Variants in SLC38A11 observed in about 807,000 individuals in gnomAD.
SLC38A11 encodes the protein putative sodium-coupled neutral amino acid transporter 11.
SLC38A11 carries 51 observed loss-of-function variants against 49.4 expected under a neutral mutation model. The observed-to-expected ratio is 1.03, with a 90% CI of 0.83 to 1.30. The LOEUF is 1.30. Ranked by LOEUF, SLC38A11 falls within the 50% of genes most tolerant of loss-of-function variation. The pLI, the probability that SLC38A11 is intolerant of heterozygous loss-of-function variation, is 0.00. For missense variants in SLC38A11, 574 were observed against 556.2 expected (o/e 1.03, Z -0.32); for synonymous variants, 203 against 192.9 (o/e 1.05, Z -0.43).
intron 9 of SLC38A11, among the ~76,000 whole-genome samples, chr2:164,914,563 T>A (rs989407836): frequency 6.6e-6 from 1 of 151,778 alleles, no homozygotes; most frequent in Non-Finnish European, 1.5e-5. Context: ...GGAAATTTTT[T>A]TGAGAGAAGA....
At chr2:164,927,353 A>G (rs1686673822) in intron 7 of SLC38A11, among the ~76,000 whole-genome samples, 1 of 152,210 alleles carries the variant, frequency 6.6e-6, no homozygotes, top group African/African-American at 2.4e-5. Context: ...ACTGTAGCAT[A>G]GAAAGACTGA....
At chr2:164,946,613 G>T (rs1311184653) in intron 3 of SLC38A11, among the ~76,000 whole-genome samples, 1 of 150,374 alleles carries the variant, frequency 6.7e-6, no homozygotes, top group African/African-American at 2.4e-5. Context: ...TTCAATTGAA[G>T]TTAGAGATAG....
At chr2:164,935,117 G>A (rs1311574803) in intron 7 of SLC38A11, among the ~76,000 whole-genome samples, 3 of 151,740 alleles carry the variant, frequency 2.0e-5, no homozygotes, top group East Asian at 3.9e-4. Context: ...GCACTGTCTC[G>A]GCTTCCCTTT....
chr2:164,898,477 G>A lies in SLC38A11; in HGVS notation c.1349C>T (p.Thr450Ile). The change falls in exon 12 of 12, where the codon ACA becomes ATA. Residue 450 changes from threonine to isoleucine, a missense_variant. Transcript: ENST00000685975. ...AATATTTAAAGTAGAAAGTTGTGTTGTCTGCTGAACATGAGACTCTGAGGT... is the reference window on the plus strand; with the variant it reads ...AATATTTAAAGTAGAAAGTTGTGTTATCTGCTGAACATGAGACTCTGAGGT... ...TNTSESHVQQ[T>I]TQLSTLNISI... The A allele has an allele frequency of 6.2e-7, 1 of 1,613,070 alleles. No individual in the cohort carries two copies.
At chr2:164,906,221 T>C (rs1005514200) in intron 11 of SLC38A11, among the ~76,000 whole-genome samples, 4 of 152,178 alleles carry the variant, frequency 2.6e-5, no homozygotes, top group African/African-American at 9.7e-5. Context: ...TCAAACAAGA[T>C]ATTTCATAAA....
intron 11 of SLC38A11, among the ~76,000 whole-genome samples, chr2:164,901,053 G>A (rs1447677600): frequency 6.6e-6 from 1 of 151,978 alleles, no homozygotes; most frequent in East Asian, 1.9e-4. Flanking sequence ...CATTATTGAA[G>A]ACTATCCTTT....
chr2:164,895,041 C>T lies in SLC38A11; in HGVS notation c.*3396G>A, dbSNP rs1282701583. ...TTTTCAGAAATAGAAATTCTGAGGC[C>T]CCACTCCAAGTACTGAATCAGAAAC... On this transcript the variant is annotated 3_prime_UTR_variant, in exon 12 of 12. Transcript: ENST00000685975. 6.6e-6 allele frequency among the ~76,000 whole-genome samples: 1 copy of T among 152,124 alleles called. No homozygotes were observed. Among genetic ancestry groups the T allele is most frequent in the East Asian group, 1.9e-4 (1 of 5,198 alleles).
chr2:164,915,214 C>T lies in SLC38A11; in HGVS notation c.748G>A (p.Ala250Thr), dbSNP rs4564790. 6.2e-7 allele frequency: 1 copy of T among 1,612,190 alleles called. No individual in the cohort carries two copies. Among genetic ancestry groups the T allele is most frequent in the African/African-American group, 1.3e-5 (1 of 74,866 alleles). The change falls in exon 9 of 12, where the codon GCT (alanine) becomes ACT (threonine). Residue 250 changes from alanine (A) to threonine (T), a missense_variant. Coordinates refer to ENST00000685975, the MANE Select transcript of SLC38A11 (RefSeq NM_001351537.2). Reference sequence around the variant, plus strand: ...ATATGGATAAGGCGGGACCACTTAGCTACTGTGGGTTCTTCTAGAGAACTG... The same window carrying T: ...ATATGGATAAGGCGGGACCACTTAGTTACTGTGGGTTCTTCTAGAGAACTG... ...VYSSLEEPTVAKWSRLIHMSI... is the reference protein window; with the variant it reads ...VYSSLEEPTVTKWSRLIHMSI...
Position 164,955,277 on chromosome 2 carries a change from G to A in SLC38A11, c.-30C>T. The A allele has an allele frequency of 6.5e-7, 1 of 1,548,948 alleles. No homozygotes were observed. The highest frequency in any genetic ancestry group is 1.2e-5 in the South Asian group (1 of 84,022). On this transcript the variant is annotated 5_prime_UTR_variant, in exon 1 of 12. Coordinates refer to ENST00000685975, the MANE Select transcript of SLC38A11 (RefSeq NM_001351537.2). ...GAGCGGTGGTCCTCAGCAGGTGGAA[G>A]ATGCTGGGGCTGGGTACGGATTCGC... is the stretch of plus-strand genomic sequence containing the variant.
chr2:164,912,430 T>C (rs1348590500), intron 9 of SLC38A11: 1 of 152,130 alleles, frequency 6.6e-6, no homozygotes, highest in African/African-American at 2.4e-5. Context: ...CTGGTCTTTG[T>C]TTCTGGTGAG....
rs973763601 is a variant in SLC38A11, at chr2:164,896,403, G to A, written c.*2034C>T. On this transcript the variant is annotated 3_prime_UTR_variant, in exon 12 of 12. Coordinates refer to ENST00000685975, the MANE Select transcript of SLC38A11 (RefSeq NM_001351537.2). Reference sequence around the variant, plus strand: ...AAAGTACAAGATAAGAGATGGTTACGTGCTAAATTATGTTATCCTTGACAT... The same window carrying A: ...AAAGTACAAGATAAGAGATGGTTACATGCTAAATTATGTTATCCTTGACAT... 2.6e-5 allele frequency: 4 copies of A among 152,068 alleles called. No homozygotes were observed. The highest frequency in any genetic ancestry group is 7.2e-5 in the African/African-American group (3 of 41,408). The allele number at this position is 152,068 out of a possible 1,614,324, so 9.4% of individuals were successfully genotyped here. A position where few individuals can be genotyped will look rare whatever the true frequency, so the allele number is the denominator to read the frequency against.
intron 7 of SLC38A11, among the ~76,000 whole-genome samples, chr2:164,928,112 A>G (rs1220616876): frequency 6.6e-6 from 1 of 152,216 alleles, no homozygotes; most frequent in Admixed American, 6.5e-5. Flanking sequence ...AGCATATATT[A>G]TCTTGCAAAT....
chr2:164,900,605 A>G (rs1405272491), intron 11 of SLC38A11, among the ~76,000 whole-genome samples: 2 of 152,046 alleles, frequency 1.3e-5, no homozygotes, highest in Admixed American at 1.3e-4. Flanking sequence ...TCTTCTTTGG[A>G]GAAATATCTG....
chr2:164,937,229 A>C (rs1451793165), intron 7 of SLC38A11, 121 bp downstream of exon 7: 1 of 692,668 alleles, frequency 1.4e-6, no homozygotes, highest in Non-Finnish European at 2.5e-6. Context: ...ATTTTGTCAA[A>C]TACCAAAGAT....
In SLC38A11 at chr2:164,948,451, A is replaced by G. The variant is rs556725477; in HGVS notation, c.230-2724T>C. Among the ~76,000 whole-genome samples, 6 of 152,324 alleles carry G rather than the reference A, an allele frequency of 3.9e-5. No individual in the cohort carries two copies. In the East Asian group the frequency reaches 1.2e-3, roughly 29 times the overall value. On this transcript the variant is annotated intron_variant, in intron 3 of 11. Coordinates refer to ENST00000685975, the MANE Select transcript of SLC38A11 (RefSeq NM_001351537.2). ...GGTTATCATGCCCATTTAACAGATG[A>G]GAAAAGTGAGGCATGAAGGTTAAGT...
intron 1 of SLC38A11, among the ~76,000 whole-genome samples, 162 bp downstream of exon 1, chr2:164,955,044 GAAA>G (rs4001062): frequency 1.6e-3 from 233 of 144,766 alleles, no homozygotes; most frequent in South Asian, 7.2e-3. Context: ...TGCCTGCTAA[GAAA>G]AAAAAAAAAA....
intron 9 of SLC38A11, among the ~76,000 whole-genome samples, chr2:164,913,259 C>T (rs1047580125): frequency 1.3e-5 from 2 of 151,910 alleles, no homozygotes; most frequent in African/African-American, 4.8e-5. Flanking sequence ...TGGCAGAAAC[C>T]TGCTTCAAGG....
chr2:164,948,151 T>C (rs2105515106), intron 3 of SLC38A11, among the ~76,000 whole-genome samples: 1 of 152,300 alleles, frequency 6.6e-6, no homozygotes, highest in South Asian at 2.1e-4. Flanking sequence ...TATGGCACCC[T>C]TGAAGAGTGG....
At chr2:164,903,633 T>A (rs532237572) in intron 11 of SLC38A11, among the ~76,000 whole-genome samples, 13 of 152,316 alleles carry the variant, frequency 8.5e-5, no homozygotes, top group African/African-American at 3.1e-4. Flanking sequence ...ATTTGATCTA[T>A]TTAATGTAGA....
Sources: allele counts gnomAD v4.1 joint callset (sites outside exome capture counted in the v4.1 genomes callset), GRCh38; gene constraint gnomAD v4.1.1; transcripts MANE v1.5; gene names NCBI Gene and HGNC (gene_info 2026-07-23, HGNC 2026-07-21).